The following RYR2 variants were observed in gnomAD, a reference collection of about 807,000 sequenced individuals.
The protein encoded by RYR2 is cardiac muscle ryanodine receptor-calcium release channel.
A neutral mutation model predicts 601.1 loss-of-function variants in RYR2; 227 were observed. The observed-to-expected ratio is 0.38, with a 90% CI of 0.34 to 0.42. The LOEUF is 0.42. RYR2 is among the 10% of genes least tolerant of loss of function. RYR2 has a pLI of 1.00. For synonymous variants in RYR2, 2,223 were observed against 2,175.1 expected, an observed-to-expected ratio of 1.02 and a Z score of -0.61; for missense variants, 4,646 against 6,156.5, an observed-to-expected ratio of 0.75 and a Z score of 8.21.
rs373606009 is a variant in RYR2, at chr1:237,784,417, C to T, written c.12705C>T (p.Phe4235=). Residue 4235 remains phenylalanine (F), a synonymous_variant, in exon 90 of 105, where the codon TTC becomes TTT. Coordinates refer to ENST00000366574, the MANE Select transcript of RYR2 (RefSeq NM_001035.3). The surrounding 1 kb of genome is among the most constrained non-coding windows in gnomAD (Gnocchi z 7.1). ...RPEEQGPRMA[F]FSILTVRSAL... ...AAGAGCAGGGGCCGAGGATGGCTTT[C>T]TTCTCCATTCTGACGGTCAGGTCGG... 6.0e-4 allele frequency: 975 copies of T among 1,613,854 alleles called. 1 individual carries two copies. The highest frequency in any genetic ancestry group is 6.8e-4 in the Non-Finnish European group (797 of 1,179,844).
intron 10 of RYR2, among the ~76,000 whole-genome samples, chr1:237,402,940 GA>G (rs1703518749): frequency 6.9e-6 from 1 of 145,966 alleles, no homozygotes. Flanking sequence ...AAAAGATTGG[GA>G]AATATAGAAA....
chr1:237,665,172 G>A (rs748692926), intron 56 of RYR2, among the ~76,000 whole-genome samples: 15 of 151,980 alleles, frequency 9.9e-5, no homozygotes, highest in Non-Finnish European at 1.8e-4. Context: ...AGGCCGAGGC[G>A]GGTGGATCAC....
At chr1:237,294,217 G>A (rs533325519) in intron 2 of RYR2, among the ~76,000 whole-genome samples, 13 of 152,232 alleles carry the variant, frequency 8.5e-5, no homozygotes, top group African/African-American at 2.6e-4. Context: ...GTGAGCAAGT[G>A]TACATTTCTT....
At position 237,590,657 on chromosome 1, in the gene RYR2, C is replaced by T. The variant is rs772647953; in HGVS notation, c.3825C>T (p.Gly1275=). ...TTTGCTAGGTGACCAGAATAGACGG[C>T]ACCATAGACAGTTCCCCATGTTTAA... The part of the protein sequence containing the change: ...HEHIEVTRID[G]TIDSSPCLKV... The change falls in exon 31 of 105, where the codon GGC becomes GGT. Residue 1275 remains glycine, a synonymous_variant. Coordinates refer to ENST00000366574, the MANE Select transcript of RYR2 (RefSeq NM_001035.3). The T allele has an allele frequency of 2.0e-6, 3 of 1,534,418 alleles. No homozygotes were observed. Among genetic ancestry groups the T allele is most frequent in the South Asian group, 2.6e-5 (2 of 76,278 alleles).
chr1:237,496,472 T>G lies in RYR2; in HGVS notation c.1962-39T>G, dbSNP rs531266287. On this transcript the variant is annotated intron_variant, in intron 19 of 104. Transcript: ENST00000366574. ...GTAAATGAAAACAATGAAAGGTTTT[T>G]TTGGACTTTCCTTACATGTGATTCC... The G allele has an allele frequency of 2.7e-4, 431 of 1,598,036 alleles. 10 individuals are homozygous for G. In the South Asian group the frequency reaches 4.7e-3, roughly 17 times the overall value.
At chr1:237,754,242 C>A (rs1371484557) in intron 80 of RYR2, among the ~76,000 whole-genome samples, 3 of 151,570 alleles carry the variant, frequency 2.0e-5, no homozygotes, top group African/African-American at 7.3e-5. Context: ...AATGAGTGAC[C>A]TGTCCAGGGA....
chr1:237,641,761 G>A (rs181094719), intron 47 of RYR2, among the ~76,000 whole-genome samples: 169 of 152,194 alleles, frequency 1.1e-3, no homozygotes, highest in African/African-American at 3.8e-3. Flanking sequence ...AGGCTGGCCT[G>A]GAACTCCTAA....
chr1:237,687,365 T>C, intron 62 of RYR2, 90 bp from the exon 63 acceptor site: 1 of 441,062 alleles, frequency 2.3e-6, no homozygotes, highest in African/African-American at 3.2e-5. Context: ...TTTTTCTTCT[T>C]CTTTTTTTTT....
At chr1:237,751,155 G>C (rs1214525300) in intron 80 of RYR2, among the ~76,000 whole-genome samples, 1 of 152,138 alleles carries the variant, frequency 6.6e-6, no homozygotes, top group Non-Finnish European at 1.5e-5. Flanking sequence ...TATTCTTAGT[G>C]GTCCCAAGTT....
chr1:237,596,286 A>G (rs926015843), intron 34 of RYR2, among the ~76,000 whole-genome samples: 15 of 152,250 alleles, frequency 9.9e-5, no homozygotes, highest in African/African-American at 3.6e-4. Context: ...TAAAATGCAG[A>G]TACTTCAACA....
intron 10 of RYR2, among the ~76,000 whole-genome samples, chr1:237,394,809 A>T (rs1702675824): frequency 6.6e-6 from 1 of 152,140 alleles, no homozygotes; most frequent in Non-Finnish European, 1.5e-5. Context: ...ATAAAGAAAT[A>T]CCTGAAACTG....
chr1:237,656,302 G>A (rs489001), intron 53 of RYR2, among the ~76,000 whole-genome samples: 1 of 151,642 alleles, frequency 6.6e-6, no homozygotes, highest in African/African-American at 2.4e-5. Flanking sequence ...TATTAATAAC[G>A]ACAATCAACC....
intron 58 of RYR2, among the ~76,000 whole-genome samples, chr1:237,669,985 C>A (rs1383733335): frequency 2.0e-5 from 3 of 152,124 alleles, no homozygotes; most frequent in African/African-American, 4.8e-5. Context: ...CCACTGCACT[C>A]CAGCCTGGGC....
intron 10 of RYR2, among the ~76,000 whole-genome samples, chr1:237,390,757 A>G (rs994597573): frequency 1.3e-5 from 2 of 152,106 alleles, no homozygotes; most frequent in African/African-American, 2.4e-5. Flanking sequence ...CTTTGCATAT[A>G]TGTTGAAGCC....
chr1:237,632,047 T>A (rs1680387078), intron 42 of RYR2, among the ~76,000 whole-genome samples: 1 of 152,128 alleles, frequency 6.6e-6, no homozygotes, highest in Non-Finnish European at 1.5e-5. Flanking sequence ...CTACTAGTTT[T>A]TTTTTCCTTG....
At chr1:237,048,770 C>A (rs138703395) in intron 1 of RYR2, among the ~76,000 whole-genome samples, 128 of 152,248 alleles carry the variant, frequency 8.4e-4, no homozygotes, top group Admixed American at 3.1e-3. Context: ...TGTTGGGCAT[C>A]GGTTTCCCAT....
intron 1 of RYR2, among the ~76,000 whole-genome samples, chr1:237,049,575 C>T (rs1168821815): frequency 6.6e-6 from 1 of 152,046 alleles, no homozygotes; most frequent in Non-Finnish European, 1.5e-5. Context: ...AAAATCTCAC[C>T]CTGGGACTGG....
At chr1:237,341,682 A>G (rs1167988429) in intron 3 of RYR2, 8 of 513,570 alleles carry the variant, frequency 1.6e-5, no homozygotes, top group Admixed American at 1.4e-4. Flanking sequence ...GGACTGCAAG[A>G]TGGAATTTAT....
chr1:237,661,876 AG>A (rs1443861991), intron 56 of RYR2, among the ~76,000 whole-genome samples: 1 of 152,172 alleles, frequency 6.6e-6, no homozygotes, highest in Non-Finnish European at 1.5e-5. Context: ...GCTAGAGTTC[AG>A]GGAGGACACC....
Sources: gnomAD v4.1 joint callset for allele counts (sites outside exome capture counted in the v4.1 genomes callset) on GRCh38, gnomAD v4.1.1 for gene constraint, Gnocchi (gnomAD v3.1) non-coding constraint, MANE v1.5 for transcripts, NCBI Gene and HGNC (gene_info 2026-07-23, HGNC 2026-07-21) for gene names.